NSG2: variants seen among roughly 807,000 people sequenced by gnomAD.
NSG2 encodes neuronal vesicle trafficking associated 2.
A neutral mutation model predicts 16.9 loss-of-function variants in NSG2; 4 were observed. That is an observed-to-expected ratio of 0.24 (90% confidence interval 0.12 to 0.54). The LOEUF is 0.54. Ranked by LOEUF, NSG2 falls within the 20% of genes least tolerant of loss-of-function variation. The pLI is 0.95. For missense variants in NSG2, 179 were observed against 221.1 expected (o/e 0.81, Z 1.21); for synonymous variants, 98 against 88.7 (o/e 1.11, Z -0.59).
At chr5:174,065,753 A>G (rs1001117064) in intron 3 of NSG2, among the ~76,000 whole-genome samples, 1 of 152,194 alleles carries the variant, frequency 6.6e-6, no homozygotes, top group African/African-American at 2.4e-5. Context: ...GGTCCTGTGG[A>G]TGGATGATGC....
chr5:174,070,203 G>A (rs935318179), intron 3 of NSG2, among the ~76,000 whole-genome samples: 13 of 151,652 alleles, frequency 8.6e-5, no homozygotes, highest in African/African-American at 2.7e-4. Flanking sequence ...TTTTTTTCGT[G>A]GGCTATTTTT....
chr5:174,100,691 T>G lies in NSG2; in HGVS notation c.214-3537T>G, dbSNP rs573026000. 8.5e-5 allele frequency among the ~76,000 whole-genome samples: 13 copies of G among 152,342 alleles called. No homozygotes were observed. In the East Asian group the frequency reaches 2.5e-3, roughly 29 times the overall value. Reference sequence around the variant, plus strand: ...TCGTGCTCTCTAGCCCTGGTGGTGCTTTGGTGAATCAGCCCCTGCAGTTCC... The same window carrying G: ...TCGTGCTCTCTAGCCCTGGTGGTGCGTTGGTGAATCAGCCCCTGCAGTTCC... On this transcript the variant is annotated intron_variant, in intron 3 of 4. Transcript: ENST00000303177.
intron 3 of NSG2, among the ~76,000 whole-genome samples, chr5:174,084,959 C>G (rs1048306332): frequency 1.3e-5 from 2 of 152,224 alleles, no homozygotes; most frequent in African/African-American, 4.8e-5. Context: ...TAAGGATGTG[C>G]ACGTCCATCT....
chr5:174,085,223 G>T (rs1449710255), intron 3 of NSG2, among the ~76,000 whole-genome samples: 1 of 152,152 alleles, frequency 6.6e-6, no homozygotes, highest in Non-Finnish European at 1.5e-5. Flanking sequence ...CAGCATCTTT[G>T]GAAGTCCACC....
chr5:174,061,693 T>C (rs981798661), intron 2 of NSG2, among the ~76,000 whole-genome samples: 5 of 152,122 alleles, frequency 3.3e-5, no homozygotes, highest in Non-Finnish European at 7.4e-5. Context: ...AACCTCTACC[T>C]CCCGGGTTCA....
At chr5:174,047,928 G>A (rs987626878) in intron 2 of NSG2, among the ~76,000 whole-genome samples, 6 of 152,216 alleles carry the variant, frequency 3.9e-5, no homozygotes, top group Non-Finnish European at 8.8e-5. Flanking sequence ...TTTCCCATTG[G>A]CATCTGCAGG....
At chr5:174,052,875 C>T (rs550135183) in intron 2 of NSG2, among the ~76,000 whole-genome samples, 1 of 152,318 alleles carries the variant, frequency 6.6e-6, no homozygotes, top group Non-Finnish European at 1.5e-5. Context: ...TTGGCAGAGC[C>T]ACAGGGGAAC....
intron 3 of NSG2, among the ~76,000 whole-genome samples, chr5:174,078,921 C>T (rs1179678146): frequency 3.3e-5 from 5 of 152,108 alleles, no homozygotes; most frequent in African/African-American, 1.2e-4. Flanking sequence ...TTTCTTATAA[C>T]AGCCCAAATG....
chr5:174,087,061 C>G (rs1385688993), intron 3 of NSG2, among the ~76,000 whole-genome samples: 1 of 152,156 alleles, frequency 6.6e-6, no homozygotes, highest in Non-Finnish European at 1.5e-5. Flanking sequence ...GAAAGAGATT[C>G]CTGAATTATT....
chr5:174,065,063 T>C (rs1760117162), intron 3 of NSG2, among the ~76,000 whole-genome samples: 1 of 151,700 alleles, frequency 6.6e-6, no homozygotes, highest in South Asian at 2.1e-4. Flanking sequence ...GCACGGCGGC[T>C]CACGCCTGTA....
intron 2 of NSG2, among the ~76,000 whole-genome samples, chr5:174,062,364 C>T (rs767248847): frequency 6.6e-6 from 1 of 152,160 alleles, no homozygotes; most frequent in Non-Finnish European, 1.5e-5. Context: ...GCCAAATGCT[C>T]AATGCCTGCT....
At chr5:174,088,416 A>G (rs1202507881) in intron 3 of NSG2, among the ~76,000 whole-genome samples, 1 of 152,158 alleles carries the variant, frequency 6.6e-6, no homozygotes, top group African/African-American at 2.4e-5. Flanking sequence ...CCCCAAGGAA[A>G]CGATTCCTTT....
At chr5:174,057,426 G>C (rs1018520716) in intron 2 of NSG2, among the ~76,000 whole-genome samples, 1 of 152,148 alleles carries the variant, frequency 6.6e-6, no homozygotes, top group Non-Finnish European at 1.5e-5. Context: ...TAAAAAAAAG[G>C]AACTGTGACT....
At chr5:174,101,831 G>A (rs1408550793) in intron 3 of NSG2, among the ~76,000 whole-genome samples, 1 of 152,136 alleles carries the variant, frequency 6.6e-6, no homozygotes, top group Non-Finnish European at 1.5e-5. Context: ...GTGGTCTTGG[G>A]TGGCCTCCTT....
At chr5:174,103,595 C>T (rs1760933679) in intron 3 of NSG2, among the ~76,000 whole-genome samples, 1 of 152,062 alleles carries the variant, frequency 6.6e-6, no homozygotes, top group Non-Finnish European at 1.5e-5. Flanking sequence ...TGATCAACTC[C>T]CCCACATCCC....
rs139456278 is a variant in NSG2, at chr5:174,049,513, G to A, written c.129+2629G>A. Among the ~76,000 whole-genome samples the A allele has an allele frequency of 1.7e-3, 262 of 152,268 alleles. 1 individual carries two copies. Among genetic ancestry groups the A allele is most frequent in the African/African-American group, 6.0e-3 (248 of 41,542 alleles). ...TCTTTCTTCTTCTCAGGAATTAATAGGCCCCAGTGAGGGAGTCACTACTTT... is the reference window on the plus strand; with the variant it reads ...TCTTTCTTCTTCTCAGGAATTAATAAGCCCCAGTGAGGGAGTCACTACTTT... On this transcript the variant is annotated intron_variant, in intron 2 of 4. Transcript: ENST00000303177.
In NSG2 at chr5:174,108,597, G is replaced by A. The variant is rs971161803; in HGVS notation, c.*1092G>A. Reference sequence around the variant, plus strand: ...AATGGGACTGTCTTTTGCCCACTTCGTTGTGTTAAAAGGGGACATTTGTCC... The same window carrying A: ...AATGGGACTGTCTTTTGCCCACTTCATTGTGTTAAAAGGGGACATTTGTCC... On this transcript the variant is annotated 3_prime_UTR_variant, in exon 5 of 5. Coordinates refer to ENST00000303177, the MANE Select transcript of NSG2 (RefSeq NM_015980.5). 7.2e-5 allele frequency: 11 copies of A among 152,452 alleles called. No homozygotes were observed. The highest frequency in any genetic ancestry group is 2.2e-4 in the African/African-American group (9 of 41,570). 9.4% of individuals were successfully genotyped at this position (152,452 alleles called of 1,614,324 possible). A position where few individuals can be genotyped will look rare whatever the true frequency, so the allele number is the denominator to read the frequency against.
At chr5:174,091,510 T>TG (rs1003132340) in intron 3 of NSG2, among the ~76,000 whole-genome samples, 4 of 151,946 alleles carry the variant, frequency 2.6e-5, no homozygotes, top group African/African-American at 9.7e-5. Flanking sequence ...CTTGGGAGCC[T>TG]GGGGGGATGG....
At chr5:174,049,443 G>A (rs867818620) in intron 2 of NSG2, among the ~76,000 whole-genome samples, 1 of 143,856 alleles carries the variant, frequency 7.0e-6, no homozygotes, top group Admixed American at 6.9e-5. Flanking sequence ...GCACGCGCAC[G>A]TGCACACACA....
Sources: gnomAD v4.1 joint callset for allele counts (sites outside exome capture counted in the v4.1 genomes callset) on GRCh38, gnomAD v4.1.1 for gene constraint, MANE v1.5 for transcripts, NCBI Gene and HGNC (gene_info 2026-07-23, HGNC 2026-07-21) for gene names.